The following VAMP4 variants were observed in gnomAD, a reference collection of about 807,000 sequenced individuals.
VAMP4 encodes the protein vesicle associated membrane protein 4.
Under a neutral mutation model 23.5 loss-of-function variants are expected in VAMP4, and 19 were observed. The ratio of observed to expected loss-of-function variants is 0.81; its 90% confidence interval spans 0.56 to 1.19. The LOEUF is 1.19. Ranked by LOEUF, VAMP4 falls within the 50% of genes most tolerant of loss-of-function variation. VAMP4 has a pLI of 0.00. For synonymous variants in VAMP4, 31 were observed against 51.0 expected (o/e 0.61, Z 1.67); for missense variants, 145 against 168.6 (o/e 0.86, Z 0.78).
chr1:171,707,713 T>A (rs896862001), intron 6 of VAMP4, among the ~76,000 whole-genome samples: 2 of 152,174 alleles, frequency 1.3e-5, no homozygotes, highest in African/African-American at 2.4e-5. Flanking sequence ...TTTCATTACA[T>A]GGTCGATGCT....
chr1:171,738,546 T>TC, intron 1 of VAMP4, 83 bp from the exon 2 acceptor site: 4 of 823,354 alleles, frequency 4.9e-6, no homozygotes, highest in Non-Finnish European at 7.5e-6. Flanking sequence ...TGAAACCCTG[T>TC]ATGACAGGGA....
At chr1:171,738,216 G>A in intron 2 of VAMP4, 133 bp downstream of exon 2, 2 of 901,072 alleles carry the variant, frequency 2.2e-6, no homozygotes, top group South Asian at 3.4e-5. Flanking sequence ...AAGCTATTCT[G>A]CTTCAGCGTC....
intron 3 of VAMP4, among the ~76,000 whole-genome samples, chr1:171,726,831 A>G (rs1655384497): frequency 6.6e-6 from 1 of 151,794 alleles, no homozygotes; most frequent in Non-Finnish European, 1.5e-5. Context: ...CAAAATCAAA[A>G]TTTTAATCTT....
rs1179961314 is a variant in VAMP4 at position 171,702,342 on chromosome 1, G to T, written c.*2164C>A. The T allele has an allele frequency of 6.6e-6, 1 of 151,686 alleles. No individual in the cohort carries two copies. The highest frequency in any genetic ancestry group is 2.4e-5 in the African/African-American group (1 of 41,328). The allele number at this position is 151,686 out of a possible 1,614,324, so 9.4% of individuals were successfully genotyped here. A position where few individuals can be genotyped will look rare whatever the true frequency, so the allele number is the denominator to read the frequency against. ...TGATAATTCTGTTACCCATATCCCA[G>T]GCAGCAATATGTTTAAATTACAAAG... On this transcript the variant is annotated 3_prime_UTR_variant, in exon 8 of 8. Transcript: ENST00000236192.
rs1455130539 is a variant in VAMP4 at position 171,701,485 on chromosome 1, T to C, written c.*3021A>G. On this transcript the variant is annotated 3_prime_UTR_variant, in exon 8 of 8. Transcript: ENST00000236192. ...GCAATGAGAGATTTCAATTACTTTA[T>C]ATTCCTGCCTTCTCAGTCTGTACAC... 1.3e-5 allele frequency: 2 copies of C among 152,204 alleles called. No individual in the cohort carries two copies. Among genetic ancestry groups the C allele is most frequent in the Non-Finnish European group, 2.9e-5 (2 of 68,024 alleles). The allele number at this position is 152,204 out of a possible 1,614,324, so 9.4% of individuals were successfully genotyped here.
chr1:171,700,488 T>C lies in VAMP4; in HGVS notation c.*4018A>G, dbSNP rs1239469465. ...TACTGACTAAAATCTCTGCTAATTA[T>C]GTAATCTACTTTGTGGCTTTAAAAT... On this transcript the variant is annotated 3_prime_UTR_variant, in exon 8 of 8. Transcript: ENST00000236192. 4 of 152,386 alleles carry C rather than the reference T, an allele frequency of 2.6e-5. No individual in the cohort carries two copies. In the East Asian group the frequency reaches 7.7e-4, roughly 29 times the overall value. 9.4% of individuals were successfully genotyped at this position (152,386 alleles called of 1,614,324 possible).
At chr1:171,719,266 TAAAAC>T (rs765663413) in intron 3 of VAMP4, 45 bp from the exon 4 acceptor site, 2 of 1,510,458 alleles carry the variant, frequency 1.3e-6, no homozygotes, top group African/African-American at 2.8e-5. Context: ...GTGACAGGAT[TAAAAC>T]AAAACAAAAA....
chr1:171,728,206 C>T (rs775171916), intron 3 of VAMP4, among the ~76,000 whole-genome samples: 14 of 152,212 alleles, frequency 9.2e-5, no homozygotes, highest in Non-Finnish European at 1.6e-4. Context: ...ATGTGAATCA[C>T]CCCTTTGTCC....
chr1:171,711,047 C>T (rs1654831936), intron 4 of VAMP4, among the ~76,000 whole-genome samples: 1 of 152,020 alleles, frequency 6.6e-6, no homozygotes, highest in South Asian at 2.1e-4. Flanking sequence ...TTACTTTTAG[C>T]CCTGCTTCTG....
chr1:171,703,152 T>C lies in VAMP4; in HGVS notation c.*1354A>G, dbSNP rs1654505227. On this transcript the variant is annotated 3_prime_UTR_variant, in exon 8 of 8. Coordinates refer to ENST00000236192, the MANE Select transcript of VAMP4 (RefSeq NM_003762.5). ...TTAACCCTATTTTTAATTTAGGGAG[T>C]TTTATATTCATATTGTCAAGATATC... 6.6e-6 allele frequency: 1 copy of C among 151,476 alleles called. No individual in the cohort carries two copies. The highest frequency in any genetic ancestry group is 1.5e-5 in the Non-Finnish European group (1 of 67,732). 9.4% of individuals were successfully genotyped at this position (151,476 alleles called of 1,614,324 possible).
intron 4 of VAMP4, 42 bp from the exon 5 acceptor site, chr1:171,710,856 G>T: frequency 1.4e-6 from 2 of 1,420,798 alleles, no homozygotes; most frequent in Non-Finnish European, 9.7e-7. Flanking sequence ...CTTCTTTTGA[G>T]AATGCTTACA....
At chr1:171,725,341 A>T (rs528547090) in intron 3 of VAMP4, among the ~76,000 whole-genome samples, 1 of 152,252 alleles carries the variant, frequency 6.6e-6, no homozygotes, top group South Asian at 2.1e-4. Context: ...TGTGCTATTA[A>T]TTCTAGCTAC....
chr1:171,726,240 C>T (rs749196716), intron 3 of VAMP4, among the ~76,000 whole-genome samples: 6 of 149,324 alleles, frequency 4.0e-5, no homozygotes, highest in Middle Eastern at 3.6e-3. Flanking sequence ...TTAGTGGAGA[C>T]GGGGTTTCAC....
At chr1:171,715,320 G>A (rs1333023860) in intron 4 of VAMP4, among the ~76,000 whole-genome samples, 1 of 152,174 alleles carries the variant, frequency 6.6e-6, no homozygotes, top group Non-Finnish European at 1.5e-5. Flanking sequence ...AACACAATGA[G>A]GAAAAGACAT....
chr1:171,736,417 C>T (rs1335001132), intron 2 of VAMP4, among the ~76,000 whole-genome samples: 3 of 152,114 alleles, frequency 2.0e-5, no homozygotes, highest in Admixed American at 2.0e-4. Context: ...TTTCTCAATT[C>T]CTTGCATGGG....
intron 2 of VAMP4, among the ~76,000 whole-genome samples, chr1:171,738,029 G>A (rs970877871): frequency 2.0e-5 from 3 of 152,194 alleles, no homozygotes; most frequent in African/African-American, 7.2e-5. Context: ...AGGCTGGAGT[G>A]CAGATCACAG....
Position 171,719,151 on chromosome 1 carries a change from A to G in VAMP4, c.164+20T>C, listed in dbSNP as rs748341760. The G allele has an allele frequency of 6.2e-7, 1 of 1,605,914 alleles. No individual in the cohort carries two copies. The highest frequency in any genetic ancestry group is 1.1e-5 in the South Asian group (1 of 89,958). On this transcript the variant is annotated intron_variant, in intron 4 of 7. Transcript: ENST00000236192. The stretch of plus-strand genomic sequence containing the variant: ...TACACAGAAATATGATTATCATTTA[A>G]ACAAATGAACAAAACTTACTGCTTA...
At chr1:171,707,229 C>T (rs1654688696) in intron 6 of VAMP4, among the ~76,000 whole-genome samples, 1 of 152,130 alleles carries the variant, frequency 6.6e-6, no homozygotes, top group Non-Finnish European at 1.5e-5. Flanking sequence ...ATTCTCTTTC[C>T]CCACCTATGG....
intron 6 of VAMP4, 34 bp from the exon 7 acceptor site, chr1:171,706,452 T>C: frequency 1.3e-6 from 2 of 1,580,804 alleles, no homozygotes; most frequent in Non-Finnish European, 8.6e-7. Flanking sequence ...ATATTAATAT[T>C]TGACTTGTTA....
Sources: gnomAD v4.1 joint callset for allele counts (sites outside exome capture counted in the v4.1 genomes callset) on GRCh38, gnomAD v4.1.1 for gene constraint, MANE v1.5 for transcripts, NCBI Gene and HGNC (gene_info 2026-07-23, HGNC 2026-07-21) for gene names.